Variants in UBE2D2 observed in about 807,000 individuals in gnomAD.
UBE2D2 encodes ubiquitin-conjugating enzyme E2 D2.
Under a neutral mutation model 24.2 loss-of-function variants are expected in UBE2D2, and 2 were observed. That is an observed-to-expected ratio of 0.08 (90% CI 0.03 to 0.26). The LOEUF is 0.26. UBE2D2 is among the 10% of genes least tolerant of loss of function. UBE2D2 has a pLI of 1.00. For synonymous variants in UBE2D2, 58 were observed against 56.5 expected (o/e 1.03, Z -0.12); for missense variants, 44 against 177.6 (o/e 0.25, Z 4.28).
At chr5:139,612,309 A>G (rs1419245724) in intron 2 of UBE2D2, 1 of 152,754 alleles carries the variant, frequency 6.5e-6, no homozygotes, top group African/African-American at 2.4e-5. Context: ...CTCTTCCAGT[A>G]AAGGGTGCAC....
chr5:139,537,685 C>T (rs1029280089), intron 1 of UBE2D2, among the ~76,000 whole-genome samples: 1 of 151,694 alleles, frequency 6.6e-6, no homozygotes. Context: ...AATTTTCTGG[C>T]CAGGCGTGGT....
intron 1 of UBE2D2, among the ~76,000 whole-genome samples, chr5:139,568,613 C>T (rs189991929): frequency 1.1e-4 from 16 of 151,930 alleles, no homozygotes; most frequent in East Asian, 9.7e-4. Flanking sequence ...GTGGAGATCG[C>T]GCCGCTGCAT....
At chr5:139,593,598 A>T (rs1753898938) in intron 1 of UBE2D2, among the ~76,000 whole-genome samples, 1 of 152,136 alleles carries the variant, frequency 6.6e-6, no homozygotes, top group Admixed American at 6.6e-5. Context: ...TGTAACATGT[A>T]ACATTAAAAG....
At position 139,601,369 on chromosome 5, in the gene UBE2D2, C is replaced by T. The variant is rs368498378; in HGVS notation, c.88+934C>T. 7.9e-5 allele frequency among the ~76,000 whole-genome samples: 12 copies of T among 152,064 alleles called. No individual in the cohort carries two copies. The East Asian group carries it at 1.7e-3, about 22-fold the overall frequency. The stretch of plus-strand genomic sequence containing the variant: ...CCCTAATCCCAGCACTTTAGGAGAC[C>T]GAGGCAGGTGAATCAATTGAGCCCA... On this transcript the variant is annotated intron_variant, in intron 2 of 6. Coordinates refer to ENST00000398733, the MANE Select transcript of UBE2D2 (RefSeq NM_003339.3).
In UBE2D2 at chr5:139,572,154, A is replaced by G. The variant is rs140148401; in HGVS notation, c.24+10339A>G. On this transcript the variant is annotated intron_variant, in intron 1 of 6. Transcript: ENST00000398733. ...TTATTTAACTTTCGTAATAGTTGAC[A>G]TGATTTTCATTCAGTTCCTTTGGCT... Among the ~76,000 whole-genome samples the G allele has an allele frequency of 2.3e-3, 353 of 152,352 alleles. 2 individuals are homozygous for G. Among genetic ancestry groups the G allele is most frequent in the African/African-American group, 7.9e-3 (329 of 41,588 alleles).
intron 1 of UBE2D2, among the ~76,000 whole-genome samples, chr5:139,542,631 T>A (rs1452293482): frequency 6.6e-6 from 1 of 152,060 alleles, no homozygotes; most frequent in African/African-American, 2.4e-5. Flanking sequence ...TGGCATGACA[T>A]AGTTTTGACA....
intron 2 of UBE2D2, chr5:139,612,343 A>C (rs1318983947): frequency 6.5e-6 from 1 of 153,194 alleles, no homozygotes; most frequent in Non-Finnish European, 1.5e-5. Flanking sequence ...TTCTGTAGCT[A>C]ATTGCTTCCT....
chr5:139,552,655 T>C lies in UBE2D2; in HGVS notation c.-64+26043T>C, dbSNP rs1191733196. Reference sequence around the variant, plus strand: ...TCCCGAGTAGCTGTGATTATAGGCATGTGCCACCACGCTTGGCTAATTTTT... The same window carrying C: ...TCCCGAGTAGCTGTGATTATAGGCACGTGCCACCACGCTTGGCTAATTTTT... On this transcript the variant is annotated intron_variant, in intron 1 of 6. Coordinates refer to the UBE2D2 transcript ENST00000511725. Among the ~76,000 whole-genome samples the C allele has an allele frequency of 4.0e-5, 6 of 148,726 alleles. No individual in the cohort carries two copies. In the East Asian group the frequency reaches 9.8e-4, roughly 24 times the overall value.
At chr5:139,528,879 T>C (rs1010966931) in intron 1 of UBE2D2, among the ~76,000 whole-genome samples, 2 of 151,990 alleles carry the variant, frequency 1.3e-5, no homozygotes, top group African/African-American at 4.8e-5. Flanking sequence ...TGTACGTGGA[T>C]AGGAGAAGCT....
chr5:139,618,277 A>G (rs1053540771), intron 5 of UBE2D2, among the ~76,000 whole-genome samples: 5 of 152,100 alleles, frequency 3.3e-5, no homozygotes, highest in Non-Finnish European at 7.4e-5. Flanking sequence ...CCTGGCCACA[A>G]ATTAATTTTT....
At chr5:139,560,438 C>T (rs1013655702), upstream of UBE2D2, among the ~76,000 whole-genome samples, 4 of 151,854 alleles carry the variant, frequency 2.6e-5, no homozygotes, top group South Asian at 2.1e-4. Flanking sequence ...CCTCGTGATC[C>T]GCCTGCCTTG....
intron 1 of UBE2D2, among the ~76,000 whole-genome samples, chr5:139,582,573 C>G (rs1401672458): frequency 1.3e-5 from 2 of 151,936 alleles, no homozygotes; most frequent in Non-Finnish European, 2.9e-5. Flanking sequence ...TTAACTGCTG[C>G]CTACCACATG....
chr5:139,591,942 G>A (rs1043989332), intron 1 of UBE2D2, among the ~76,000 whole-genome samples: 1 of 152,156 alleles, frequency 6.6e-6, no homozygotes. Context: ...GCTCATGCCT[G>A]TAATTCCAGC....
intron 2 of UBE2D2, among the ~76,000 whole-genome samples, chr5:139,601,649 G>A (rs886759091): frequency 6.6e-6 from 1 of 151,958 alleles, no homozygotes; most frequent in Non-Finnish European, 1.5e-5. Context: ...CATGGCTCAT[G>A]CCTCTAATCC....
chr5:139,582,240 A>G (rs1753619020), intron 1 of UBE2D2, among the ~76,000 whole-genome samples: 1 of 151,194 alleles, frequency 6.6e-6, no homozygotes, highest in African/African-American at 2.4e-5. Flanking sequence ...TGGCCTCCAA[A>G]GTGCTAGGAT....
intron 6 of UBE2D2, among the ~76,000 whole-genome samples, chr5:139,624,356 G>A (rs1754572697): frequency 6.6e-6 from 1 of 152,024 alleles, no homozygotes; most frequent in South Asian, 2.1e-4. Flanking sequence ...TGTGTTGCCT[G>A]GGTTGGTCTC....
chr5:139,582,501 G>A (rs1753626179), intron 1 of UBE2D2, among the ~76,000 whole-genome samples: 1 of 151,892 alleles, frequency 6.6e-6, no homozygotes, highest in African/African-American at 2.4e-5. Flanking sequence ...GTGAGCCACT[G>A]TGCCTGGCCT....
intron 1 of UBE2D2, among the ~76,000 whole-genome samples, chr5:139,536,975 C>G (rs960584610): frequency 4.0e-5 from 6 of 151,860 alleles, no homozygotes; most frequent in African/African-American, 7.3e-5. Context: ...GTCAGGAGAT[C>G]GAGACCATCC....
chr5:139,580,807 G>T (rs1455646435), intron 1 of UBE2D2, among the ~76,000 whole-genome samples: 1 of 152,126 alleles, frequency 6.6e-6, no homozygotes, highest in African/African-American at 2.4e-5. Context: ...GGTAGTCTCA[G>T]CTCACTCGGG....
Sources: allele counts gnomAD v4.1 joint callset (sites outside exome capture counted in the v4.1 genomes callset), GRCh38; gene constraint gnomAD v4.1.1; transcripts MANE v1.5; gene names NCBI Gene and HGNC (gene_info 2026-07-23, HGNC 2026-07-21).